The following LMNB2 variants were observed in gnomAD, a reference collection of about 807,000 sequenced individuals.
LMNB2 encodes the protein lamin-B2.
LMNB2 carries 17 observed loss-of-function variants against 69.3 expected under a neutral mutation model. The ratio of observed to expected loss-of-function variants is 0.25; its 90% confidence interval spans 0.17 to 0.37. The LOEUF (loss-of-function observed/expected upper bound fraction) is 0.37. Ranked by LOEUF, LMNB2 falls within the 10% of genes least tolerant of loss-of-function variation. LMNB2 has a pLI of 1.00. For synonymous variants in LMNB2, 397 were observed against 389.3 expected (o/e 1.02, Z -0.23); for missense variants, 789 against 883.6 (o/e 0.89, Z 1.36).
intron 4 of LMNB2, among the ~76,000 whole-genome samples, chr19:2,436,645 C>CCACCTCCACGGCCGCCCTCT (rs1487587763): frequency 1.4e-5 from 2 of 146,696 alleles, no homozygotes; most frequent in African/African-American, 2.5e-5. Flanking sequence ...AGCCGCGCAC[C>CCACCTCCACGGCCGCCCTCT]CACCTCCACG....
chr19:2,440,928 G>C (rs1314737120), intron 2 of LMNB2, among the ~76,000 whole-genome samples: 1 of 152,166 alleles, frequency 6.6e-6, no homozygotes, highest in Non-Finnish European at 1.5e-5. Context: ...GTGTGACCCG[G>C]GGAGGGAGGG....
At chr19:2,440,756 CCAT>C (rs1414688204) in intron 2 of LMNB2, among the ~76,000 whole-genome samples, 1 of 151,812 alleles carries the variant, frequency 6.6e-6, no homozygotes, top group Non-Finnish European at 1.5e-5. Context: ...ACTCATCCAT[CCAT>C]CATCTATCTA....
rs1460193231 is a variant in LMNB2, at chr19:2,432,304, C to T, written c.1590+112G>A. On this transcript the variant is annotated intron_variant, in intron 9 of 11. Transcript: ENST00000325327. ...TGCGGCAGCCGCTCTGAGACGGTGC[C>T]TGGTGCCACCATCATCCCCACCCAC... The T allele has an allele frequency of 5.7e-6, 5 of 880,108 alleles. No individual in the cohort carries two copies. In the East Asian group the frequency reaches 1.2e-4, roughly 22 times the overall value. 54.5% of individuals were successfully genotyped at this position (880,108 alleles called of 1,614,324 possible).
At position 2,435,162 on chromosome 19, in the gene LMNB2, C is replaced by T. The variant is rs1971807508; in HGVS notation, c.694G>A (p.Glu232Lys). 3 of 1,602,376 alleles carry T rather than the reference C, an allele frequency of 1.9e-6. No individual in the cohort carries two copies. The highest frequency in any genetic ancestry group is 2.5e-6 in the Non-Finnish European group (3 of 1,179,560). Residue 232 changes from glutamate to lysine, a missense_variant, in exon 5 of 12, where the codon GAG becomes AAG. This residue lies in a region of LMNB2 where 609 missense variants were observed against 630.9 expected (regional missense o/e 0.97). Transcript: ENST00000325327. The stretch of plus-strand genomic sequence containing the variant: ...CGCCGCTCGTGCCGCCGCCGCGTCT[C>T]CCGCACCTCCTGCGGACCAAGGCTT... ...RKSVFEEEVR[E>K]TRRRHERRLV...
At chr19:2,431,323 C>A (rs576852214) in intron 11 of LMNB2, among the ~76,000 whole-genome samples, 38 of 152,298 alleles carry the variant, frequency 2.5e-4, no homozygotes, top group Admixed American at 3.9e-4. Context: ...TGGCCAGCTA[C>A]CCTGAGGTCT....
chr19:2,437,554 A>T (rs1347469346), intron 4 of LMNB2, among the ~76,000 whole-genome samples: 1 of 152,236 alleles, frequency 6.6e-6, no homozygotes, highest in Non-Finnish European at 1.5e-5. Context: ...GAATCCCAGC[A>T]GTTTGGGAGG....
intron 1 of LMNB2, among the ~76,000 whole-genome samples, chr19:2,446,439 G>A (rs1971957066): frequency 1.3e-5 from 2 of 152,194 alleles, no homozygotes; most frequent in South Asian, 2.1e-4. Context: ...CAGGGAAGGC[G>A]ACCTCTTCAC....
rs397945879 is a variant in LMNB2, at chr19:2,439,035, CTTTTTT to C, written c.402-510_402-505del. The stretch of plus-strand genomic sequence containing the variant: ...CCAGTGTGGATTGTAGGCACTTAAG[CTTTTTT>C]TTTTTTTTTTTTTTTTTTTTTTTTA... On this transcript the variant is annotated intron_variant, in intron 2 of 11. Coordinates refer to ENST00000325327, the MANE Select transcript of LMNB2 (RefSeq NM_032737.4). Among the ~76,000 whole-genome samples, 188 of 65,706 alleles carry C rather than the reference CTTTTTT, an allele frequency of 2.9e-3. 1 individual carries two copies. Among genetic ancestry groups the C allele is most frequent in the Middle Eastern group, 0.015 (1 of 68 alleles). 43.1% of individuals were successfully genotyped at this position (65,706 alleles called of 152,430 possible). A position where few individuals can be genotyped will look rare whatever the true frequency, so the allele number is the denominator to read the frequency against.
At position 2,430,644 on chromosome 19, in the gene LMNB2, C is replaced by T. The variant is rs761795313; in HGVS notation, c.*267G>A. The T allele has an allele frequency of 7.2e-6, 4 of 554,460 alleles. No individual in the cohort carries two copies. The highest frequency in any genetic ancestry group is 1.3e-5 in the Non-Finnish European group (4 of 304,994). 34.3% of individuals were successfully genotyped at this position (554,460 alleles called of 1,614,324 possible). A position where few individuals can be genotyped will look rare whatever the true frequency, so the allele number is the denominator to read the frequency against. On this transcript the variant is annotated 3_prime_UTR_variant, in exon 12 of 12. Coordinates refer to ENST00000325327, the MANE Select transcript of LMNB2 (RefSeq NM_032737.4). ...CCAAGCATCTTCTAAACCTCCGGGT[C>T]CTGGCCCTGGGCTTCCAATTTGACC... is the stretch of plus-strand genomic sequence containing the variant.
intron 6 of LMNB2, 123 bp from the exon 7 acceptor site, chr19:2,434,638 G>A (rs1599332063): frequency 6.7e-7 from 1 of 1,498,696 alleles, no homozygotes; most frequent in East Asian, 2.4e-5. Flanking sequence ...CTGGGCATGG[G>A]GCGCACGGGA....
intron 1 of LMNB2, among the ~76,000 whole-genome samples, chr19:2,452,202 T>C (rs7253984): frequency 0.1 from 15,434 of 151,972 alleles, 1,312 homozygotes; most frequent in East Asian, 0.29. Context: ...TAGTGTCACA[T>C]GGGAATGTGG....
intron 1 of LMNB2, among the ~76,000 whole-genome samples, chr19:2,450,268 A>G (rs986221747): frequency 6.6e-6 from 1 of 152,046 alleles, no homozygotes; most frequent in Non-Finnish European, 1.5e-5. Flanking sequence ...CTAACCAGGA[A>G]CGTGGGGGAA....
intron 4 of LMNB2, among the ~76,000 whole-genome samples, chr19:2,436,494 GGGCCGCGCACCCACCTCCAC>G (rs1218968525): frequency 2.6e-5 from 4 of 151,844 alleles, no homozygotes; most frequent in Non-Finnish European, 4.4e-5. Flanking sequence ...AGAGCCCTGC[GGGCCGCGCACCCACCTCCAC>G]GGCCGCCCTC....
rs761548544 is a variant in LMNB2 at position 2,433,896 on chromosome 19, G to A, written c.1412C>T (p.Ser471Leu). The change falls in exon 8 of 12, where the codon TCG becomes TTG. Residue 471 changes from serine (S) to leucine (L), a missense_variant. Around this residue, in one of 3 missense-constraint regions of LMNB2, gnomAD observed 609 missense variants for 630.9 expected, o/e 0.97. Transcript: ENST00000325327. ...GATCTCCTCGATGCTGACGCTACCC[G>A]AGGCCGAGGCCTGCTGGGCCAGGTG... is the stretch of plus-strand genomic sequence containing the variant. Reference protein sequence around the residue: ...GFHLAQQASASGSVSIEEIDL... With the variant: ...GFHLAQQASALGSVSIEEIDL... 4.3e-6 allele frequency: 7 copies of A among 1,612,158 alleles called. No homozygotes were observed. The highest frequency in any genetic ancestry group is 2.2e-5 in the South Asian group (2 of 91,048).
At chr19:2,434,253 T>TC (rs1157051178) in intron 7 of LMNB2, 42 bp downstream of exon 7, 1 of 1,561,570 alleles carries the variant, frequency 6.4e-7, no homozygotes. Context: ...GCCCTGCCCC[T>TC]CCTCCTCACT....
rs11671803 is a variant in LMNB2, at chr19:2,438,793, C to G, written c.402-262G>C. Among the ~76,000 whole-genome samples the G allele has an allele frequency of 0.15, 22,988 of 152,248 alleles. 2,217 individuals are homozygous for G. The highest frequency in any genetic ancestry group is 0.21 in the Non-Finnish European group (14,526 of 68,016). ...CCCTGGAGGCATGGGCTTTCCCAGC[C>G]TCTCCTGCCTGTTCTGGACCCAGGA... On this transcript the variant is annotated intron_variant, in intron 2 of 11. Transcript: ENST00000325327.
chr19:2,431,997 C>A, intron 9 of LMNB2, 95 bp from the exon 10 acceptor site: 1 of 1,474,832 alleles, frequency 6.8e-7, no homozygotes, highest in African/African-American at 1.4e-5. Context: ...CCCTTCAATG[C>A]CCTGGGCGTT....
chr19:2,447,010 G>C lies in LMNB2; in HGVS notation c.265-2470C>G, dbSNP rs925631067. On this transcript the variant is annotated intron_variant, in intron 1 of 11. Transcript: ENST00000325327. This position sits in a 1 kb window ranked among gnomAD's most constrained non-coding sequence, Gnocchi z 4.4. ...ATACAAAAAATTAGCCAGGCGTGGT[G>C]GTGGGCGCCTGTGGTCCCAGCTACT... Among the ~76,000 whole-genome samples, 1 of 152,042 alleles carries C rather than the reference G, an allele frequency of 6.6e-6. No homozygotes were observed. The highest frequency in any genetic ancestry group is 1.5e-5 in the Non-Finnish European group (1 of 68,018).
chr19:2,455,058 C>A (rs927518894), intron 1 of LMNB2, among the ~76,000 whole-genome samples: 5 of 152,048 alleles, frequency 3.3e-5, no homozygotes, highest in Admixed American at 6.5e-5. Flanking sequence ...CCGCTGACAC[C>A]AGGGCACAAA....
Sources: allele counts gnomAD v4.1 joint callset (sites outside exome capture counted in the v4.1 genomes callset), GRCh38; gene constraint gnomAD v4.1.1; regional missense constraint gnomAD v4.1.1; non-coding constraint Gnocchi (gnomAD v3.1); transcripts MANE v1.5; gene names NCBI Gene and HGNC (gene_info 2026-07-23, HGNC 2026-07-21).